The following EMP2 variants were observed in gnomAD, a reference collection of about 807,000 sequenced individuals.
The protein encoded by EMP2 is epithelial membrane protein 2.
A neutral mutation model predicts 13.7 loss-of-function variants in EMP2; 19 were observed. The ratio of observed to expected loss-of-function variants is 1.38; its 90% CI spans 0.97 to 2.03. The LOEUF is 2.03. EMP2 is among the 30% of genes most tolerant of loss of function. The probability of loss-of-function intolerance (pLI) is 0.00; values close to 1 mark genes in which losing one functional copy is unlikely to be tolerated. For missense variants in EMP2, 253 were observed against 220.7 expected, an observed-to-expected ratio of 1.15 and a Z score of -0.93; for synonymous variants, 97 against 84.7, an observed-to-expected ratio of 1.15 and a Z score of -0.80.
chr16:10,539,445 C>A (rs1055507149), intron 3 of EMP2, among the ~76,000 whole-genome samples: 1 of 152,148 alleles, frequency 6.6e-6, no homozygotes. Flanking sequence ...CCGGCTCCCC[C>A]ACTATGACAC....
At position 10,531,607 on chromosome 16, in the gene EMP2, A is replaced by C. The variant is rs2050603391; in HGVS notation, c.*1298T>G. The C allele has an allele frequency of 6.6e-6, 1 of 152,172 alleles. No homozygotes were observed. The allele number at this position is 152,172 out of a possible 1,614,324, so 9.4% of individuals were successfully genotyped here. A position where few individuals can be genotyped will look rare whatever the true frequency, so the allele number is the denominator to read the frequency against. ...AGCCTCCCAAAGTGCTGGGATTACA[A>C]GCATGAGCCACTGTACCCAGCCAGT... On this transcript the variant is annotated 3_prime_UTR_variant, in exon 5 of 5. Coordinates refer to ENST00000359543, the MANE Select transcript of EMP2 (RefSeq NM_001424.6).
chr16:10,553,473 T>G (rs779839790), intron 1 of EMP2, among the ~76,000 whole-genome samples: 5 of 152,146 alleles, frequency 3.3e-5, no homozygotes, highest in African/African-American at 7.2e-5. Flanking sequence ...CCCGGTGCAG[T>G]GCTTTGCCCT....
At chr16:10,563,382 G>C (rs1434215186) in intron 1 of EMP2, among the ~76,000 whole-genome samples, 1 of 152,080 alleles carries the variant, frequency 6.6e-6, no homozygotes. Context: ...AGTAGAGATG[G>C]GGTTTCACCA....
intron 3 of EMP2, among the ~76,000 whole-genome samples, 180 bp from the exon 4 acceptor site, chr16:10,538,254 C>T (rs1008790462): frequency 6.6e-6 from 1 of 152,156 alleles, no homozygotes; most frequent in Non-Finnish European, 1.5e-5. Context: ...ACCCCCTGCC[C>T]CTCACCTCCA....
intron 1 of EMP2, among the ~76,000 whole-genome samples, chr16:10,559,384 C>T (rs1296832268): frequency 6.6e-6 from 1 of 152,232 alleles, no homozygotes; most frequent in African/African-American, 2.4e-5. Context: ...GCTCCATGCT[C>T]ACTGTGGCTG....
At position 10,575,237 on chromosome 16, in the gene EMP2, C is replaced by CTTTTTTT. The variant is rs761837614; in HGVS notation, c.-61+5305_-61+5311dup. Among the ~76,000 whole-genome samples, 426 of 52,470 alleles carry CTTTTTTT rather than the reference C, an allele frequency of 8.1e-3. 75 individuals are homozygous for CTTTTTTT. The highest frequency in any genetic ancestry group is 0.017 in the East Asian group (24 of 1,452). 34.4% of individuals were successfully genotyped at this position (52,470 alleles called of 152,430 possible). Reference sequence around the variant, plus strand: ...TGGCCTTGGTCCTGGAGCTTGCATTCTTTTTTTTTTTTTTTTTTTTTTTTT... The same window carrying CTTTTTTT: ...TGGCCTTGGTCCTGGAGCTTGCATTCTTTTTTTTTTTTTTTTTTTTTTTTTTTTTTTT... On this transcript the variant is annotated intron_variant, in intron 1 of 4. Transcript: ENST00000359543.
chr16:10,537,831 C>G, intron 4 of EMP2, 97 bp downstream of exon 4: 6 of 1,532,436 alleles, frequency 3.9e-6, no homozygotes, highest in African/African-American at 1.4e-5. Flanking sequence ...TTTCTCCTTT[C>G]CAAATTCTCC....
chr16:10,534,552 A>G (rs2142167282), intron 4 of EMP2, among the ~76,000 whole-genome samples: 1 of 152,086 alleles, frequency 6.6e-6, no homozygotes, highest in East Asian at 1.9e-4. Flanking sequence ...GATCACTTGC[A>G]CCCAGGAGCT....
intron 1 of EMP2, among the ~76,000 whole-genome samples, chr16:10,577,552 G>A (rs1402775222): frequency 2.0e-5 from 3 of 152,136 alleles, no homozygotes; most frequent in Non-Finnish European, 4.4e-5. Flanking sequence ...TGCTCTGCCT[G>A]TCACCACCAC....
chr16:10,569,617 G>A (rs1360800674), intron 1 of EMP2, among the ~76,000 whole-genome samples: 1 of 152,144 alleles, frequency 6.6e-6, no homozygotes, highest in East Asian at 1.9e-4. Flanking sequence ...ACCACACCCA[G>A]CCCGATTCAT....
In EMP2 at chr16:10,543,647, C is replaced by G; in HGVS notation, c.92G>C (p.Gly31Ala). Residue 31 changes from glycine (G) to alanine (A), a missense_variant, in exon 3 of 5, where the codon GGA becomes GCA. Gly to Ala is a moderately conservative substitution (Grantham distance 60). Coordinates refer to ENST00000359543, the MANE Select transcript of EMP2 (RefSeq NM_001424.6). ...CCAGACATCTGCAAAAAACTCATCT[C>G]CTACCCACCAGGCCTGTAACACAAA... ...IATVDNAWWV[G>A]DEFFADVWRI... 1 of 1,614,222 alleles carries G rather than the reference C, an allele frequency of 6.2e-7. No homozygotes were observed. Among genetic ancestry groups the G allele is most frequent in the Non-Finnish European group, 8.5e-7 (1 of 1,180,024 alleles).
intron 1 of EMP2, among the ~76,000 whole-genome samples, chr16:10,564,964 G>C (rs1158118404): frequency 6.6e-6 from 1 of 152,052 alleles, no homozygotes; most frequent in East Asian, 1.9e-4. Flanking sequence ...TAAATAGAAG[G>C]TGCTGGAAAA....
At chr16:10,533,200 T>C (rs2050621657) in intron 4 of EMP2, 108 bp from the exon 5 acceptor site, 1 of 1,079,440 alleles carries the variant, frequency 9.3e-7, no homozygotes. Flanking sequence ...TTTTATTCTT[T>C]GTTTATTATT....
chr16:10,533,761 T>C (rs1025910906), intron 4 of EMP2, among the ~76,000 whole-genome samples: 1 of 152,180 alleles, frequency 6.6e-6, no homozygotes, highest in African/African-American at 2.4e-5. Flanking sequence ...GTTTACTTGT[T>C]ATAGCTGATG....
intron 1 of EMP2, among the ~76,000 whole-genome samples, chr16:10,571,925 C>T (rs145849313): frequency 6.6e-6 from 1 of 152,202 alleles, no homozygotes; most frequent in African/African-American, 2.4e-5. Context: ...TGCTGTCAGC[C>T]TCTCCTGGGC....
chr16:10,551,705 A>C (rs8063726), intron 1 of EMP2, among the ~76,000 whole-genome samples: 29,402 of 151,930 alleles, frequency 0.19, 6,042 homozygotes, highest in African/African-American at 0.53. Flanking sequence ...CCATCCCCAG[A>C]GCAAAATAGG....
At chr16:10,557,560 G>C (rs75895665) in intron 1 of EMP2, among the ~76,000 whole-genome samples, 6,094 of 152,110 alleles carry the variant, frequency 0.04, 194 homozygotes, top group East Asian at 0.12. Context: ...GTGGTAGAAT[G>C]GGTTCAATTC....
intron 1 of EMP2, among the ~76,000 whole-genome samples, chr16:10,574,454 C>T (rs981697107): frequency 6.6e-6 from 1 of 152,176 alleles, no homozygotes; most frequent in Admixed American, 6.5e-5. Context: ...TCCCTCCCTG[C>T]TCCATCTCCC....
Position 10,538,089 on chromosome 16 carries a change from C to G in EMP2, c.170-15G>C. ...CGTGGAGTACTCTGCGGGAAAAGGG[C>G]AGGGGCGCAGGACTGAGGACCTTGG... On this transcript the variant is annotated splice_polypyrimidine_tract_variant and intron_variant, in intron 3 of 4. Transcript: ENST00000359543. 1 of 1,612,292 alleles carries G rather than the reference C, an allele frequency of 6.2e-7. No homozygotes were observed. Among genetic ancestry groups the G allele is most frequent in the South Asian group, 1.1e-5 (1 of 90,992 alleles).
Sources: allele counts gnomAD v4.1 joint callset (sites outside exome capture counted in the v4.1 genomes callset), GRCh38; gene constraint gnomAD v4.1.1; transcripts MANE v1.5; gene names NCBI Gene and HGNC (gene_info 2026-07-23, HGNC 2026-07-21).